The following EFL1 variants were observed in gnomAD, a reference collection of about 807,000 sequenced individuals.
EFL1 encodes elongation factor-like GTPase 1.
In EFL1, 76 loss-of-function variants were observed where a neutral mutation model predicts 126.7. That is an observed-to-expected ratio of 0.60 (90% CI 0.50 to 0.73). EFL1 has a LOEUF of 0.73. Among genes scored for constraint, EFL1 ranks in the 30% least tolerant of loss-of-function variants. EFL1 has a pLI of 0.00. For missense variants in EFL1, 1,128 were observed against 1,343.2 expected (o/e 0.84, Z 2.50); for synonymous variants, 410 against 448.4 (o/e 0.91, Z 1.08).
At chr15:82,215,264 T>C (rs112500920) in intron 14 of EFL1, among the ~76,000 whole-genome samples, 5,668 of 152,254 alleles carry the variant, frequency 0.037, 155 homozygotes, top group Non-Finnish European at 0.063. Context: ...TTATTTATAA[T>C]GTTCTTCAAG....
At position 82,151,341 on chromosome 15, in the gene EFL1, T is replaced by C. The variant is rs530045931; in HGVS notation, c.2989+124A>G. The C allele has an allele frequency of 7.7e-6, 7 of 907,478 alleles. No homozygotes were observed. The South Asian group carries it at 1.1e-4, about 15-fold the overall frequency. 56.2% of individuals were successfully genotyped at this position (907,478 alleles called of 1,614,324 possible). On this transcript the variant is annotated intron_variant, in intron 18 of 19. Coordinates refer to ENST00000268206, the MANE Select transcript of EFL1 (RefSeq NM_024580.6). ...AGGCAGAGGTTGCAGTGAGCCGAGA[T>C]TGTGCCACTGCACTCCAGCTGGGGC...
At chr15:82,140,745 C>T (rs549024362) in intron 18 of EFL1, among the ~76,000 whole-genome samples, 2 of 152,256 alleles carry the variant, frequency 1.3e-5, no homozygotes, top group African/African-American at 4.8e-5. Context: ...AAGGCAATTC[C>T]ATTCTCCCCA....
At chr15:82,241,238 C>T (rs1402513852) in intron 5 of EFL1, 32 bp downstream of exon 5, 1 of 1,612,230 alleles carries the variant, frequency 6.2e-7, no homozygotes, top group East Asian at 2.2e-5. Flanking sequence ...CACCCTTAAC[C>T]ATTTAAGTAT....
At chr15:82,218,620 G>T (rs141154454) in intron 14 of EFL1, among the ~76,000 whole-genome samples, 1 of 152,240 alleles carries the variant, frequency 6.6e-6, no homozygotes, top group East Asian at 1.9e-4. Flanking sequence ...GATAATCACA[G>T]ATTACGTAGA....
At chr15:82,224,245 T>C (rs780612567) in intron 12 of EFL1, among the ~76,000 whole-genome samples, 2 of 152,226 alleles carry the variant, frequency 1.3e-5, no homozygotes, top group African/African-American at 2.4e-5. Context: ...ATTTCTGCTA[T>C]ATCTGCATAT....
chr15:82,170,106 CTTTTTTTTTTTTTTT>C (rs760955432), intron 15 of EFL1, among the ~76,000 whole-genome samples: 1 of 78,856 alleles, frequency 1.3e-5, no homozygotes, highest in Non-Finnish European at 2.3e-5. Flanking sequence ...CACTGGATGT[CTTTTTTTTTTTTTTT>C]TTTTTTTTTT....
chr15:82,181,621 C>CGTGTGTGT (rs1567053388), intron 15 of EFL1, among the ~76,000 whole-genome samples: 5 of 94,060 alleles, frequency 5.3e-5, no homozygotes, highest in Non-Finnish European at 8.2e-5. Context: ...TATGTGTGTG[C>CGTGTGTGT]ATGTGTGTGT....
At chr15:82,147,351 C>T (rs1187093332) in intron 18 of EFL1, among the ~76,000 whole-genome samples, 2 of 152,026 alleles carry the variant, frequency 1.3e-5, no homozygotes, top group Non-Finnish European at 2.9e-5. Flanking sequence ...TCATTTTGGC[C>T]AGATGTGGTG....
chr15:82,173,972 G>A lies in EFL1; in HGVS notation c.1751-9988C>T, dbSNP rs113735928. On this transcript the variant is annotated intron_variant, in intron 15 of 19. Transcript: ENST00000268206. ...TGGGAGGCCGAAGCAGGCGGATCAC[G>A]AGGTCAGGAGATGGAGACCATCCTG... Among the ~76,000 whole-genome samples the A allele has an allele frequency of 5.8e-4, 88 of 152,176 alleles. 1 individual carries two copies. The highest frequency in any genetic ancestry group is 2.0e-3 in the African/African-American group (81 of 41,518).
intron 15 of EFL1, among the ~76,000 whole-genome samples, chr15:82,203,859 T>TG (rs1433824475): frequency 5.9e-5 from 9 of 152,258 alleles, no homozygotes; most frequent in African/African-American, 2.2e-4. Flanking sequence ...ATTTAGGGTG[T>TG]GTCCCTTTTT....
At chr15:82,181,622 ATGTGTGTG>A (rs35063141) in intron 15 of EFL1, among the ~76,000 whole-genome samples, 4 of 149,374 alleles carry the variant, frequency 2.7e-5, no homozygotes, top group East Asian at 2.0e-4. Flanking sequence ...ATGTGTGTGC[ATGTGTGTG>A]TGTGTGTGTG....
At chr15:82,241,551 C>G (rs1434848121) in intron 4 of EFL1, 148 bp from the exon 5 acceptor site, 1 of 909,416 alleles carries the variant, frequency 1.1e-6, no homozygotes, top group Non-Finnish European at 1.6e-6. Flanking sequence ...AGCTACCATT[C>G]CAACTTTTCC....
At chr15:82,140,137 G>T (rs557747013) in intron 18 of EFL1, among the ~76,000 whole-genome samples, 3 of 152,246 alleles carry the variant, frequency 2.0e-5, no homozygotes, top group South Asian at 2.1e-4. Context: ...GTAATGAAAG[G>T]CACCCCCTTT....
rs368498324 is a variant in EFL1 at position 82,219,080 on chromosome 15, TTATGA to T, written c.1611+567_1611+571del. Among the ~76,000 whole-genome samples, 110 of 152,330 alleles carry T rather than the reference TTATGA, an allele frequency of 7.2e-4. 1 individual carries two copies. The South Asian group carries it at 0.019, about 26-fold the overall frequency. On this transcript the variant is annotated intron_variant, in intron 14 of 19. Coordinates refer to ENST00000268206, the MANE Select transcript of EFL1 (RefSeq NM_024580.6). ...TCATCCTATGACCTCTATTATTTAA[TTATGA>T]TATAATTATAATGTATATATCTTGC...
At chr15:82,239,143 T>C (rs1399188494) in intron 6 of EFL1, among the ~76,000 whole-genome samples, 1 of 152,168 alleles carries the variant, frequency 6.6e-6, no homozygotes, top group Non-Finnish European at 1.5e-5. Flanking sequence ...TCCTAATTTT[T>C]TTCTTTTTTC....
At chr15:82,143,361 T>C (rs182292219) in intron 18 of EFL1, among the ~76,000 whole-genome samples, 1 of 152,264 alleles carries the variant, frequency 6.6e-6, no homozygotes, top group Admixed American at 6.5e-5. Context: ...TGGACAAGGG[T>C]TGTAAAAGAA....
At chr15:82,168,047 G>C (rs1170326552) in intron 15 of EFL1, among the ~76,000 whole-genome samples, 2 of 152,178 alleles carry the variant, frequency 1.3e-5, no homozygotes, top group African/African-American at 2.4e-5. Context: ...AGAGAGATGA[G>C]GATTTTTTTT....
At chr15:82,134,099 A>T (rs1404297029) in intron 19 of EFL1, among the ~76,000 whole-genome samples, 2 of 152,190 alleles carry the variant, frequency 1.3e-5, no homozygotes, top group African/African-American at 4.8e-5. Context: ...TAAGGATGGA[A>T]TGTTAAAAGT....
chr15:82,170,325 A>G (rs895490923), intron 15 of EFL1, among the ~76,000 whole-genome samples: 3 of 151,644 alleles, frequency 2.0e-5, no homozygotes, highest in African/African-American at 7.3e-5. Context: ...CGTTTTAGCC[A>G]GGATGGTCTC....
Sources: allele counts gnomAD v4.1 joint callset (sites outside exome capture counted in the v4.1 genomes callset), GRCh38; gene constraint gnomAD v4.1.1; transcripts MANE v1.5; gene names NCBI Gene and HGNC (gene_info 2026-07-23, HGNC 2026-07-21).